The following DPP10 variants were observed in gnomAD, a reference collection of about 807,000 sequenced individuals.
DPP10 encodes the protein inactive dipeptidyl peptidase 10.
A neutral mutation model predicts 120.9 loss-of-function variants in DPP10; 33 were observed. The observed-to-expected ratio is 0.27, with a 90% CI of 0.21 to 0.37. The LOEUF is 0.37. DPP10 is among the 10% of genes least tolerant of loss of function. DPP10 has a pLI of 1.00. For missense variants in DPP10, 816 were observed against 942.8 expected (o/e 0.87, Z 1.76); for synonymous variants, 337 against 326.1 (o/e 1.03, Z -0.36).
intron 3 of DPP10, among the ~76,000 whole-genome samples, chr2:115,494,391 C>A (rs571277031): frequency 6.6e-6 from 1 of 152,210 alleles, no homozygotes; most frequent in South Asian, 2.1e-4. Context: ...AATGTGCATG[C>A]AATGAGATCT....
intron 1 of DPP10, among the ~76,000 whole-genome samples, chr2:114,821,506 T>C (rs1574268212): frequency 6.6e-6 from 1 of 152,070 alleles, no homozygotes; most frequent in Non-Finnish European, 1.5e-5. Context: ...TCTTAATAAC[T>C]CCTACCACAA....
At chr2:114,506,787 A>G (rs10176006) in intron 1 of DPP10, among the ~76,000 whole-genome samples, 18,149 of 152,214 alleles carry the variant, frequency 0.12, 2,528 homozygotes, top group African/African-American at 0.34. Context: ...CTGTGAAGGC[A>G]TCAGGGAAGT....
intron 1 of DPP10, among the ~76,000 whole-genome samples, chr2:115,306,894 A>G (rs908829442): frequency 6.6e-5 from 10 of 152,258 alleles, no homozygotes; most frequent in Non-Finnish European, 1.0e-4. Context: ...ATTTTCCCAA[A>G]TAAAAAGTAT....
chr2:115,653,873 C>T (rs571640691), intron 5 of DPP10, among the ~76,000 whole-genome samples: 16 of 151,932 alleles, frequency 1.1e-4, no homozygotes, highest in African/African-American at 3.6e-4. Context: ...CAGCAAACCT[C>T]CTTTTTGTTA....
chr2:115,771,123 A>G (rs1681410404), intron 13 of DPP10, among the ~76,000 whole-genome samples: 1 of 151,792 alleles, frequency 6.6e-6, no homozygotes, highest in African/African-American at 2.4e-5. Context: ...TGCCCAGGCT[A>G]GAATGCAGTG....
chr2:115,791,065 C>A lies in DPP10; in HGVS notation c.1532-16C>A, dbSNP rs1367588181. The A allele has an allele frequency of 1.0e-5, 16 of 1,592,492 alleles. No homozygotes were observed. The highest frequency in any genetic ancestry group is 1.3e-5 in the Non-Finnish European group (15 of 1,164,204). ...CATAGGGGTTAGCTATTTACACTAC[C>A]CTTTTTGGTTTACAGAATATTTTAT... On this transcript the variant is annotated splice_polypyrimidine_tract_variant and intron_variant, in intron 17 of 25. Transcript: ENST00000410059.
chr2:115,688,809 T>TA (rs1056572653), intron 5 of DPP10, among the ~76,000 whole-genome samples: 39 of 152,246 alleles, frequency 2.6e-4, no homozygotes, highest in South Asian at 1.4e-3. Context: ...AGATAGTCTT[T>TA]AAAAAAATGG....
intron 19 of DPP10, among the ~76,000 whole-genome samples, chr2:115,809,086 G>A (rs958647358): frequency 1.3e-5 from 2 of 152,072 alleles, no homozygotes; most frequent in Non-Finnish European, 2.9e-5. Flanking sequence ...ACAGTTCTCT[G>A]GTAGGAAAAA....
At chr2:115,631,439 T>C (rs2085863180) in intron 5 of DPP10, among the ~76,000 whole-genome samples, 1 of 152,174 alleles carries the variant, frequency 6.6e-6, no homozygotes, top group Admixed American at 6.5e-5. Flanking sequence ...GGTTATTTCT[T>C]GTCTTCTGCC....
intron 1 of DPP10, among the ~76,000 whole-genome samples, chr2:114,929,755 G>A (rs763050772): frequency 2.6e-5 from 4 of 152,282 alleles, no homozygotes; most frequent in Non-Finnish European, 4.4e-5. Context: ...TTCAGCTTAC[G>A]AAGATGATGG....
chr2:115,717,987 G>C (rs1409647651), intron 7 of DPP10, among the ~76,000 whole-genome samples: 1 of 152,156 alleles, frequency 6.6e-6, no homozygotes, highest in African/African-American at 2.4e-5. Context: ...GAAGTCAGAT[G>C]TGGAGTAGCC....
chr2:114,664,786 A>ATGGCATAGAGCATCCAAAAGG (rs1697777206), intron 1 of DPP10, among the ~76,000 whole-genome samples: 1 of 151,166 alleles, frequency 6.6e-6, no homozygotes, highest in South Asian at 2.1e-4. Context: ...CATCCAAAAG[A>ATGGCATAGAGCATCCAAAAGG]TGGCAGAGAG....
chr2:115,747,594 C>CTTTTTTTTTTTTTTTT (rs3980905), intron 10 of DPP10, among the ~76,000 whole-genome samples: 3 of 141,226 alleles, frequency 2.1e-5, no homozygotes, highest in African/African-American at 2.6e-5. Context: ...ATCCCCTTGT[C>CTTTTTTTTTTTTTTTT]TTTTTTTTTT....
At chr2:115,354,974 A>G (rs1048497733) in intron 3 of DPP10, among the ~76,000 whole-genome samples, 3 of 152,170 alleles carry the variant, frequency 2.0e-5, no homozygotes, top group Non-Finnish European at 4.4e-5. Flanking sequence ...GGTTGGTTCC[A>G]TGACTTTGCT....
intron 1 of DPP10, among the ~76,000 whole-genome samples, chr2:115,072,804 A>G (rs538755184): frequency 2.0e-5 from 3 of 152,032 alleles, no homozygotes; most frequent in Non-Finnish European, 4.4e-5. Context: ...TTTTTTTGAG[A>G]CAGAGTCTCA....
intron 1 of DPP10, among the ~76,000 whole-genome samples, chr2:114,738,978 C>T (rs963863546): frequency 2.0e-5 from 3 of 152,180 alleles, no homozygotes; most frequent in Admixed American, 6.6e-5. Flanking sequence ...CAGGTATGGC[C>T]TGCAGTTCCC....
rs142528087 is a variant in DPP10 at position 114,503,870 on chromosome 2, C to G, written c.60+61032C>G. Among the ~76,000 whole-genome samples the G allele has an allele frequency of 2.3e-3, 352 of 152,212 alleles. 14 individuals are homozygous for G. The East Asian group carries it at 0.055, about 24-fold the overall frequency. On this transcript the variant is annotated intron_variant, in intron 1 of 25. Transcript: ENST00000410059. ...AGGCTTTTTGGTTTTTATAATTATT[C>G]ATCAGTTTCTATTTTCACATAGCTT...
At chr2:114,553,501 G>A (rs1367338258) in intron 1 of DPP10, among the ~76,000 whole-genome samples, 2 of 152,172 alleles carry the variant, frequency 1.3e-5, no homozygotes, top group East Asian at 1.9e-4. Flanking sequence ...TGGGGAGAGC[G>A]ATATTTTTAC....
chr2:115,485,544 T>C (rs954055564), intron 3 of DPP10, among the ~76,000 whole-genome samples: 1 of 151,886 alleles, frequency 6.6e-6, no homozygotes, highest in South Asian at 2.1e-4. Flanking sequence ...AATGCAATAC[T>C]ACCAATTTAT....
Sources: allele counts gnomAD v4.1 joint callset (sites outside exome capture counted in the v4.1 genomes callset), GRCh38; gene constraint gnomAD v4.1.1; transcripts MANE v1.5; gene names NCBI Gene and HGNC (gene_info 2026-07-23, HGNC 2026-07-21).